Variants in CYP27A1 observed in about 807,000 individuals in gnomAD.
CYP27A1 encodes the protein sterol 26-hydroxylase, mitochondrial.
CYP27A1 carries 46 observed loss-of-function variants against 58.2 expected under a neutral mutation model. The ratio of observed to expected loss-of-function variants is 0.79; its 90% confidence interval spans 0.62 to 1.01. The LOEUF is 1.01. Among genes scored for constraint, CYP27A1 ranks in the 50% least tolerant of loss-of-function variants. The pLI, the probability that CYP27A1 is intolerant of heterozygous loss-of-function variation, is 0.00. For synonymous variants in CYP27A1, 274 were observed against 285.1 expected (o/e 0.96, Z 0.39); for missense variants, 704 against 687.0 (o/e 1.02, Z -0.28).
At chr2:218,798,864 CAG>C (rs1479853007) in intron 1 of CYP27A1, among the ~76,000 whole-genome samples, 1 of 149,408 alleles carries the variant, frequency 6.7e-6, no homozygotes, top group African/African-American at 2.5e-5. Context: ...GCCTGGGTGA[CAG>C]AGCGAGACTT....
intron 2 of CYP27A1, among the ~76,000 whole-genome samples, chr2:218,810,987 A>C (rs1485626010): frequency 6.6e-6 from 1 of 152,070 alleles, no homozygotes; most frequent in Non-Finnish European, 1.5e-5. Flanking sequence ...CTCTACTAAA[A>C]AAAAATACAA....
chr2:218,809,303 TC>T lies in CYP27A1; in HGVS notation c.256-272del, dbSNP rs1192066880. On this transcript the variant is annotated intron_variant, in intron 1 of 8. Transcript: ENST00000258415. ...ATAGCCCATTTTTCCAAACTTTCAC[TC>T]CTCCAAGGACCTCAATGCCTCCAGT... Among the ~76,000 whole-genome samples the T allele has an allele frequency of 5.3e-5, 8 of 152,226 alleles. No homozygotes were observed. The South Asian group carries it at 6.2e-4, about 12-fold the overall frequency.
intron 1 of CYP27A1, among the ~76,000 whole-genome samples, chr2:218,796,922 T>G (rs1943552925): frequency 6.6e-6 from 1 of 152,208 alleles, no homozygotes; most frequent in Non-Finnish European, 1.5e-5. Context: ...AACCTGCATT[T>G]GAGAACACCT....
chr2:218,808,819 A>G (rs1943676960), intron 1 of CYP27A1, among the ~76,000 whole-genome samples: 2 of 152,218 alleles, frequency 1.3e-5, no homozygotes, highest in Non-Finnish European at 2.9e-5. Flanking sequence ...CTATAAGACT[A>G]TCATAGCAAT....
chr2:218,797,681 A>G (rs575372805), intron 1 of CYP27A1, among the ~76,000 whole-genome samples: 1 of 152,376 alleles, frequency 6.6e-6, no homozygotes, highest in South Asian at 2.1e-4. Context: ...GTTATGAAAT[A>G]GAATTCCAGA....
chr2:218,808,220 T>C (rs1943671127), intron 1 of CYP27A1, among the ~76,000 whole-genome samples: 1 of 152,230 alleles, frequency 6.6e-6, no homozygotes, highest in South Asian at 2.1e-4. Context: ...AGCAGTATAT[T>C]TTCCTTCCAG....
chr2:218,788,785 T>G (rs1007136288), intron 1 of CYP27A1, among the ~76,000 whole-genome samples: 2 of 152,214 alleles, frequency 1.3e-5, no homozygotes, highest in Non-Finnish European at 2.9e-5. Flanking sequence ...CCACTCCCAT[T>G]CTGTTAACAC....
chr2:218,784,240 G>A (rs1338224927), intron 1 of CYP27A1, among the ~76,000 whole-genome samples: 1 of 152,138 alleles, frequency 6.6e-6, no homozygotes, highest in African/African-American at 2.4e-5. Context: ...GTGAGACTTG[G>A]GGATGTGAAA....
At chr2:218,791,106 G>C (rs1225835745) in intron 1 of CYP27A1, among the ~76,000 whole-genome samples, 1 of 152,184 alleles carries the variant, frequency 6.6e-6, no homozygotes, top group Non-Finnish European at 1.5e-5. Context: ...AAAGTACTGG[G>C]ATGACAGGCA....
At chr2:218,784,432 G>A (rs907931704) in intron 1 of CYP27A1, among the ~76,000 whole-genome samples, 6 of 152,164 alleles carry the variant, frequency 3.9e-5, no homozygotes, top group Non-Finnish European at 5.9e-5. Context: ...TCTACAGGAG[G>A]CCAAGGAAGA....
intron 1 of CYP27A1, among the ~76,000 whole-genome samples, chr2:218,807,209 T>TC (rs1381920878): frequency 6.6e-6 from 1 of 152,110 alleles, no homozygotes; most frequent in African/African-American, 2.4e-5. Context: ...TTTGCCCACC[T>TC]CAGCCTCCCA....
At chr2:218,785,274 T>C (rs1943431194) in intron 1 of CYP27A1, among the ~76,000 whole-genome samples, 1 of 152,044 alleles carries the variant, frequency 6.6e-6, no homozygotes, top group African/African-American at 2.4e-5. Context: ...AGAGCTCAGG[T>C]GGTCATGTGA....
chr2:218,809,636 C>G lies in CYP27A1; in HGVS notation c.315C>G (p.His105Gln). Residue 105 changes from histidine (H) to glutamine (Q), a missense_variant, in exon 2 of 9, where the codon CAC (histidine) becomes CAG (glutamine). Physicochemically the swap from His to Gln is conservative, Grantham distance 24 (BLOSUM62 0). Transcript: ENST00000258415. The stretch of plus-strand genomic sequence containing the variant: ...TGTCCTACTTAGGGCCTCAGATGCA[C>G]GTGAACCTGGCCAGTGCCCCGCTCT... ...MWMSYLGPQM[H>Q]VNLASAPLLE... 1 of 1,614,100 alleles carries G rather than the reference C, an allele frequency of 6.2e-7. No homozygotes were observed. The highest frequency in any genetic ancestry group is 8.5e-7 in the Non-Finnish European group (1 of 1,180,012).
chr2:218,786,647 T>C (rs1396907234), intron 1 of CYP27A1, among the ~76,000 whole-genome samples: 4 of 152,164 alleles, frequency 2.6e-5, no homozygotes, highest in African/African-American at 7.2e-5. Flanking sequence ...TTATGAGATA[T>C]CTATTCTGTA....
chr2:218,796,060 A>G lies in CYP27A1; in HGVS notation c.256-13517A>G, dbSNP rs574699445. ...GCTCCTGGGCCTGTTAGAAAGTGAC[A>G]TTCTTTACTGACCACGGGTCAGGAA... is the stretch of plus-strand genomic sequence containing the variant. On this transcript the variant is annotated intron_variant, in intron 1 of 8. Coordinates refer to ENST00000258415, the MANE Select transcript of CYP27A1 (RefSeq NM_000784.4). Among the ~76,000 whole-genome samples the G allele has an allele frequency of 2.0e-5, 3 of 152,308 alleles. No individual in the cohort carries two copies. In the South Asian group the frequency reaches 6.2e-4, roughly 32 times the overall value.
At chr2:218,806,241 A>C (rs1445898988) in intron 1 of CYP27A1, among the ~76,000 whole-genome samples, 2 of 152,236 alleles carry the variant, frequency 1.3e-5, no homozygotes, top group East Asian at 3.8e-4. Flanking sequence ...AAACTTTAGA[A>C]AAATATTTCT....
chr2:218,813,969 T>C (rs1347674313), intron 5 of CYP27A1, 52 bp from the exon 6 acceptor site: 6 of 1,606,624 alleles, frequency 3.7e-6, no homozygotes, highest in African/African-American at 1.3e-5. Flanking sequence ...CTCCCATTAC[T>C]GGCCTCTTTC....
chr2:218,790,867 T>A (rs535171806), intron 1 of CYP27A1, among the ~76,000 whole-genome samples: 52 of 151,686 alleles, frequency 3.4e-4, no homozygotes, highest in African/African-American at 9.7e-4. Flanking sequence ...CCGGCTATAT[T>A]TTTTTTTGTA....
rs1235744900 is a variant in CYP27A1, at chr2:218,812,259, A to C, written c.484A>C (p.Asn162His). The change falls in exon 3 of 9, where the codon AAC becomes CAC. Residue 162 changes from asparagine to histidine, a missense_variant. By Grantham distance (68) the Asn-to-His change is moderately conservative. Coordinates refer to ENST00000258415, the MANE Select transcript of CYP27A1 (RefSeq NM_000784.4). ...HHWYQLRQAL[N>H]QRLLKPAEAA... ...CTGGTACCAGCTGCGCCAGGCTCTG[A>C]ACCAGCGGTTGCTGAAGCCAGCGGA... The C allele has an allele frequency of 6.2e-7, 1 of 1,614,064 alleles. No homozygotes were observed. The highest frequency in any genetic ancestry group is 8.5e-7 in the Non-Finnish European group (1 of 1,180,036).
Sources: gnomAD v4.1 joint callset for allele counts (sites outside exome capture counted in the v4.1 genomes callset) on GRCh38, gnomAD v4.1.1 for gene constraint, MANE v1.5 for transcripts, NCBI Gene and HGNC (gene_info 2026-07-23, HGNC 2026-07-21) for gene names.